Variants in SUSD4 observed in about 807,000 individuals in gnomAD.
The protein encoded by SUSD4 is sushi domain containing 4.
In SUSD4, 41 loss-of-function variants were observed where a neutral mutation model predicts 50.5. The observed-to-expected ratio is 0.81, with a 90% confidence interval of 0.63 to 1.05. The LOEUF is 1.05. Among genes scored for constraint, SUSD4 ranks in the 50% least tolerant of loss-of-function variants. SUSD4 has a pLI of 0.00. For synonymous variants in SUSD4, 257 were observed against 257.3 expected (o/e 1.00, Z 0.01); for missense variants, 580 against 634.7 (o/e 0.91, Z 0.93).
rs1667218472 is a variant in SUSD4 at position 223,332,272 on chromosome 1, C to A, written c.148+31006G>T. Among the ~76,000 whole-genome samples the A allele has an allele frequency of 6.6e-6, 1 of 152,174 alleles. No individual in the cohort carries two copies. Among genetic ancestry groups the A allele is most frequent in the Non-Finnish European group, 1.5e-5 (1 of 68,028 alleles). ...GAAGCATGGCTAGGCTACCTCAAAG[C>A]AACTTGTTTTATACAAGCTCATATA... On this transcript the variant is annotated intron_variant, in intron 2 of 8. Coordinates refer to ENST00000366878, the MANE Select transcript of SUSD4 (RefSeq NM_017982.4). The surrounding 1 kb of genome is among the most constrained non-coding windows in gnomAD (Gnocchi z 4.0).
At chr1:223,248,908 G>C (rs1233840991) in intron 5 of SUSD4, among the ~76,000 whole-genome samples, 2 of 152,206 alleles carry the variant, frequency 1.3e-5, no homozygotes, top group African/African-American at 4.8e-5. Flanking sequence ...GAAGCCACAA[G>C]GAAGCCACAG....
intron 3 of SUSD4, among the ~76,000 whole-genome samples, chr1:223,278,167 T>C (rs1008774050): frequency 2.0e-5 from 3 of 152,114 alleles, no homozygotes; most frequent in African/African-American, 7.2e-5. Context: ...TTTCTGCATT[T>C]CCATCTGAGG....
At position 223,223,374 on chromosome 1, in the gene SUSD4, A is replaced by G; in HGVS notation, c.1319T>C (p.Leu440Pro). 1 of 1,613,728 alleles carries G rather than the reference A, an allele frequency of 6.2e-7. No homozygotes were observed. Among genetic ancestry groups the G allele is most frequent in the Non-Finnish European group, 8.5e-7 (1 of 1,179,854 alleles). ...CCTGGGAGGTGAATACAGACTTTGG[A>G]GCAGCTCAGAAGAGCCTGAGACGCT... is the stretch of plus-strand genomic sequence containing the variant. The part of the protein sequence containing the change: ...CDSVSGSSEL[L>P]QSLYSPPRCQ... Residue 440 changes from leucine to proline, a missense_variant, in exon 8 of 9, where the codon CTC becomes CCC. Transcript: ENST00000366878.
chr1:223,335,430 G>C (rs367834967), intron 2 of SUSD4, among the ~76,000 whole-genome samples: 1 of 145,420 alleles, frequency 6.9e-6, no homozygotes, highest in Non-Finnish European at 1.5e-5. Context: ...AAGGCATTTC[G>C]AACAGCCAAA....
intron 2 of SUSD4, among the ~76,000 whole-genome samples, chr1:223,306,916 T>C (rs1017835851): frequency 2.0e-5 from 3 of 152,074 alleles, no homozygotes; most frequent in African/African-American, 7.2e-5. Context: ...TTTCTGGGTG[T>C]TAATATCTTA....
intron 2 of SUSD4, among the ~76,000 whole-genome samples, chr1:223,361,900 T>C (rs1669001999): frequency 1.3e-5 from 2 of 152,208 alleles, no homozygotes; most frequent in Admixed American, 6.5e-5. Flanking sequence ...CACGGCAGAT[T>C]AGAGGCTGTG....
intron 2 of SUSD4, among the ~76,000 whole-genome samples, chr1:223,351,329 A>C (rs1303913110): frequency 6.6e-6 from 1 of 152,252 alleles, no homozygotes; most frequent in African/African-American, 2.4e-5. Context: ...GGGCACAGTC[A>C]AGTGGGAGCA....
intron 2 of SUSD4, among the ~76,000 whole-genome samples, chr1:223,295,529 TG>T (rs1445248411): frequency 6.6e-6 from 1 of 151,820 alleles, no homozygotes; most frequent in Non-Finnish European, 1.5e-5. Context: ...AAGCCTTGAG[TG>T]GGATCCTTGT....
chr1:223,261,234 A>C (rs75798082), intron 5 of SUSD4, among the ~76,000 whole-genome samples: 6 of 152,354 alleles, frequency 3.9e-5, no homozygotes, highest in Non-Finnish European at 7.3e-5. Flanking sequence ...CTAGAAAGAC[A>C]AACTCTTTTC....
At chr1:223,318,215 C>T (rs1666344480) in intron 2 of SUSD4, among the ~76,000 whole-genome samples, 2 of 22,230 alleles carry the variant, frequency 9.0e-5, no homozygotes, top group South Asian at 1.7e-3. Context: ...GTATAGTATT[C>T]CATGGTGTAT....
chr1:223,364,810 T>C (rs1247898961), upstream of SUSD4, among the ~76,000 whole-genome samples: 1 of 151,978 alleles, frequency 6.6e-6, no homozygotes, highest in Non-Finnish European at 1.5e-5. This position sits in a 1 kb window ranked among gnomAD's most constrained non-coding sequence, Gnocchi z 4.5. Context: ...GCACCGCCAA[T>C]TGCCCGAGTC....
intron 2 of SUSD4, among the ~76,000 whole-genome samples, chr1:223,358,550 A>T (rs1235287008): frequency 6.6e-6 from 1 of 152,214 alleles, no homozygotes; most frequent in Non-Finnish European, 1.5e-5. Flanking sequence ...CAGGAACAGA[A>T]TAATTTAGGT....
chr1:223,330,267 T>C (rs777230998), intron 2 of SUSD4, among the ~76,000 whole-genome samples: 31 of 152,160 alleles, frequency 2.0e-4, no homozygotes, highest in Non-Finnish European at 3.2e-4. Context: ...GGGAAAGCTA[T>C]AAAAGGTCCA....
Position 223,229,331 on chromosome 1 carries a change from C to A in SUSD4, c.782G>T (p.Cys261Phe). ...HGDFVCHPRP[C>F]ERYNHGTVVE... ...CACAGTTCCGTGGTTGTAGCGCTCA[C>A]AAGGCCGCGGGTGGCAGACGAAATC... Residue 261 changes from cysteine to phenylalanine, a missense_variant, in exon 6 of 9, where the codon TGT becomes TTT. Transcript: ENST00000366878. This position sits in a 1 kb window ranked among gnomAD's most constrained non-coding sequence, Gnocchi z 4.7. The A allele has an allele frequency of 1.2e-6, 2 of 1,609,914 alleles. No individual in the cohort carries two copies. Among genetic ancestry groups the A allele is most frequent in the Admixed American group, 1.7e-5 (1 of 59,984 alleles).
At chr1:223,313,271 G>A (rs1282639324) in intron 2 of SUSD4, among the ~76,000 whole-genome samples, 1 of 152,054 alleles carries the variant, frequency 6.6e-6, no homozygotes, top group Non-Finnish European at 1.5e-5. Flanking sequence ...GTCCAACCAC[G>A]TGGCTGATGA....
intron 5 of SUSD4, among the ~76,000 whole-genome samples, chr1:223,230,235 G>A (rs549610677): frequency 2.0e-5 from 3 of 152,146 alleles, no homozygotes; most frequent in African/African-American, 7.2e-5. Flanking sequence ...GTGGGAGTTC[G>A]GTGCTTTTTA....
At position 223,363,265 on chromosome 1, in the gene SUSD4, C is replaced by T. The variant is rs75318848; in HGVS notation, c.148+13G>A. Reference sequence around the variant, plus strand: ...CCATCCCCAGGCCCTCCCACCACAGCTGGGTCACTCACCGCCCGTGAGCTG... The same window carrying T: ...CCATCCCCAGGCCCTCCCACCACAGTTGGGTCACTCACCGCCCGTGAGCTG... On this transcript the variant is annotated intron_variant, in intron 2 of 8. Transcript: ENST00000366878. 3.8e-6 allele frequency: 6 copies of T among 1,573,336 alleles called. No individual in the cohort carries two copies. Among genetic ancestry groups the T allele is most frequent in the Non-Finnish European group, 3.5e-6 (4 of 1,157,510 alleles).
chr1:223,255,839 C>T (rs1229979933), intron 5 of SUSD4, among the ~76,000 whole-genome samples: 1 of 152,188 alleles, frequency 6.6e-6, no homozygotes, highest in Non-Finnish European at 1.5e-5. Flanking sequence ...ACGGATAAGC[C>T]TGCAGGGAGC....
At chr1:223,362,335 T>G (rs1669033247) in intron 2 of SUSD4, among the ~76,000 whole-genome samples, 1 of 152,240 alleles carries the variant, frequency 6.6e-6, no homozygotes, top group South Asian at 2.1e-4. Context: ...CAGTCAATAC[T>G]TGCTTTTCAA....
Sources: allele counts gnomAD v4.1 joint callset (sites outside exome capture counted in the v4.1 genomes callset), GRCh38; gene constraint gnomAD v4.1.1; non-coding constraint Gnocchi (gnomAD v3.1); transcripts MANE v1.5; gene names NCBI Gene and HGNC (gene_info 2026-07-23, HGNC 2026-07-21).